RAB11FIP3: variants seen among roughly 807,000 people sequenced by gnomAD.
The protein encoded by RAB11FIP3 is rab11 family-interacting protein 3.
Under a neutral mutation model 77.8 loss-of-function variants are expected in RAB11FIP3, and 17 were observed. That is an observed-to-expected ratio of 0.22 (90% confidence interval 0.15 to 0.33). The LOEUF is 0.33. Among genes scored for constraint, RAB11FIP3 ranks in the 10% least tolerant of loss-of-function variants. The probability of loss-of-function intolerance (pLI) is 1.00; values close to 1 mark genes in which losing one functional copy is unlikely to be tolerated. For missense variants in RAB11FIP3, 1,005 were observed against 1,011.2 expected, an observed-to-expected ratio of 0.99 and a Z score of 0.08; for synonymous variants, 437 against 448.2, an observed-to-expected ratio of 0.98 and a Z score of 0.31.
At chr16:453,818 C>T (rs916797407) in intron 1 of RAB11FIP3, among the ~76,000 whole-genome samples, 2 of 151,800 alleles carry the variant, frequency 1.3e-5, no homozygotes, top group Non-Finnish European at 2.9e-5. Flanking sequence ...TGGTCTCGAA[C>T]TCCAGAGCTC....
chr16:449,431 A>G (rs1463549721), intron 1 of RAB11FIP3, among the ~76,000 whole-genome samples: 1 of 152,088 alleles, frequency 6.6e-6, no homozygotes, highest in Non-Finnish European at 1.5e-5. Flanking sequence ...CCTCCCAGGT[A>G]TGGCAGCTTA....
At chr16:460,419 G>T (rs2055585188) in intron 1 of RAB11FIP3, among the ~76,000 whole-genome samples, 1 of 152,024 alleles carries the variant, frequency 6.6e-6, no homozygotes, top group South Asian at 2.1e-4. Context: ...CAGCCCATCA[G>T]CTGAGTATTA....
chr16:427,434 C>A (rs866182750), intron 1 of RAB11FIP3, among the ~76,000 whole-genome samples: 52 of 152,328 alleles, frequency 3.4e-4, no homozygotes, highest in African/African-American at 1.2e-3. Flanking sequence ...ACAGGCACTA[C>A]GCACAGTACA....
At chr16:512,978 G>A (rs549731425) in intron 9 of RAB11FIP3, among the ~76,000 whole-genome samples, 10 of 152,142 alleles carry the variant, frequency 6.6e-5, no homozygotes, top group East Asian at 1.9e-4. Flanking sequence ...CACTGTGCCC[G>A]CCGAGGCACA....
intron 1 of RAB11FIP3, among the ~76,000 whole-genome samples, chr16:433,401 C>G (rs908219186): frequency 1.3e-5 from 2 of 151,036 alleles, no homozygotes; most frequent in African/African-American, 4.9e-5. Context: ...TCGCTCTATT[C>G]TCTACCTCCA....
chr16:470,012 T>G (rs1431747284), intron 2 of RAB11FIP3, among the ~76,000 whole-genome samples: 1 of 151,952 alleles, frequency 6.6e-6, no homozygotes, highest in Non-Finnish European at 1.5e-5. Context: ...CTTTTTTTTT[T>G]GAGATGGAGT....
intron 2 of RAB11FIP3, among the ~76,000 whole-genome samples, chr16:463,790 A>G (rs940264123): frequency 2.0e-5 from 3 of 152,096 alleles, no homozygotes; most frequent in African/African-American, 7.2e-5. Flanking sequence ...ACCCATGAAC[A>G]TGTTGTGGGA....
chr16:445,038 C>T (rs909143192), intron 1 of RAB11FIP3, among the ~76,000 whole-genome samples: 3 of 138,652 alleles, frequency 2.2e-5, no homozygotes, highest in African/African-American at 5.5e-5. Context: ...GGCGTGAACC[C>T]GGGAGGCAGA....
At chr16:479,832 C>T (rs1307994310) in intron 3 of RAB11FIP3, among the ~76,000 whole-genome samples, 5 of 151,602 alleles carry the variant, frequency 3.3e-5, no homozygotes, top group Admixed American at 3.3e-4. Flanking sequence ...GTGGGAGGAT[C>T]ACTTGAGCCC....
Position 520,500 on chromosome 16 carries a change from G to T in RAB11FIP3, c.2058G>T (p.Gly686=). The T allele has an allele frequency of 4.3e-6, 7 of 1,613,680 alleles. No individual in the cohort carries two copies. Among genetic ancestry groups the T allele is most frequent in the Non-Finnish European group, 5.9e-6 (7 of 1,180,026 alleles). Residue 686 remains glycine, a synonymous_variant, in exon 13 of 14, where the codon GGG becomes GGT. Coordinates refer to ENST00000262305, the MANE Select transcript of RAB11FIP3 (RefSeq NM_014700.4). The part of the protein sequence containing the change: ...NLKEQNEELN[G]QIITLSIQGA... ...AGGAGCAGAACGAGGAGCTGAACGGGCAGATCATTACCCTCAGCATCCAGG... is the reference window on the plus strand; with the variant it reads ...AGGAGCAGAACGAGGAGCTGAACGGTCAGATCATTACCCTCAGCATCCAGG...
At chr16:450,632 A>T (rs1435144350) in intron 1 of RAB11FIP3, among the ~76,000 whole-genome samples, 1 of 152,094 alleles carries the variant, frequency 6.6e-6, no homozygotes, top group African/African-American at 2.4e-5. Flanking sequence ...CTGGCGAATG[A>T]GGGCCCCACT....
chr16:500,288 G>A (rs2031419554), intron 6 of RAB11FIP3, among the ~76,000 whole-genome samples: 1 of 152,212 alleles, frequency 6.6e-6, no homozygotes, highest in African/African-American at 2.4e-5. Context: ...ACTGCCCTGT[G>A]GGGCAGGTCA....
In RAB11FIP3 at chr16:492,428, CGGG is replaced by C. The variant is rs2030525598; in HGVS notation, c.1265+3429_1265+3431del. On this transcript the variant is annotated intron_variant, in intron 5 of 13. Coordinates refer to ENST00000262305, the MANE Select transcript of RAB11FIP3 (RefSeq NM_014700.4). Reference sequence around the variant, plus strand: ...ACCCGAGGCCGCCCAGGGCCCTCCCCGGGAGACCCGAGGCCGCCCAGGGCCCTT... The same window carrying C: ...ACCCGAGGCCGCCCAGGGCCCTCCCCAGACCCGAGGCCGCCCAGGGCCCTT... Among the ~76,000 whole-genome samples the C allele has an allele frequency of 4.0e-5, 5 of 124,726 alleles. 1 individual carries two copies. The highest frequency in any genetic ancestry group is 6.3e-5 in the African/African-American group (2 of 31,886). 81.8% of individuals were successfully genotyped at this position (124,726 alleles called of 152,430 possible).
chr16:520,878 A>T lies in RAB11FIP3; in HGVS notation c.*39A>T. 3 of 1,546,908 alleles carry T rather than the reference A, an allele frequency of 1.9e-6. No homozygotes were observed. The highest frequency in any genetic ancestry group is 2.7e-6 in the Non-Finnish European group (3 of 1,119,978). ...CAGCCTGAGCTGGATTCGGGACTCC[A>T]ACACCCTGGAGTGGTTCCGTCAGAC... On this transcript the variant is annotated 3_prime_UTR_variant, in exon 14 of 14. Transcript: ENST00000262305.
In RAB11FIP3 at chr16:482,762, G is replaced by A. The variant is rs370122594; in HGVS notation, c.1115+26G>A. 3.2e-6 allele frequency: 5 copies of A among 1,565,974 alleles called. No individual in the cohort carries two copies. The African/African-American group carries it at 5.4e-5, about 17-fold the overall frequency. On this transcript the variant is annotated intron_variant, in intron 4 of 13. Transcript: ENST00000262305. ...GTCTGTACCCCGCCACGGGCCTCCT[G>A]GAGAGGCCTTGGGATGTGGCACCCT...
At chr16:477,491 C>G (rs1271223783) in intron 3 of RAB11FIP3, 8 of 326,234 alleles carry the variant, frequency 2.5e-5, no homozygotes, top group Non-Finnish European at 3.1e-5. Context: ...CCCCGTCATG[C>G]CTTCCCCACA....
At chr16:432,174 G>C (rs1196414243) in intron 1 of RAB11FIP3, among the ~76,000 whole-genome samples, 1 of 152,110 alleles carries the variant, frequency 6.6e-6, no homozygotes, top group Non-Finnish European at 1.5e-5. Context: ...TCTGAGATCA[G>C]GAGACCAGCC....
intron 5 of RAB11FIP3, among the ~76,000 whole-genome samples, chr16:494,530 G>A (rs1287440877): frequency 1.3e-5 from 2 of 151,970 alleles, no homozygotes; most frequent in Non-Finnish European, 2.9e-5. Context: ...GCTGAGGCCG[G>A]AGAATGGCGT....
chr16:520,881 A>T lies in RAB11FIP3; in HGVS notation c.*42A>T. On this transcript the variant is annotated 3_prime_UTR_variant, in exon 14 of 14. Transcript: ENST00000262305. ...CCTGAGCTGGATTCGGGACTCCAAC[A>T]CCCTGGAGTGGTTCCGTCAGACCAT... 2.7e-6 allele frequency: 4 copies of T among 1,495,630 alleles called. No individual in the cohort carries two copies. The highest frequency in any genetic ancestry group is 3.7e-6 in the Non-Finnish European group (4 of 1,073,344). 92.6% of individuals were successfully genotyped at this position (1,495,630 alleles called of 1,614,324 possible). A position where few individuals can be genotyped will look rare whatever the true frequency, so the allele number is the denominator to read the frequency against.
Sources: allele counts gnomAD v4.1 joint callset (sites outside exome capture counted in the v4.1 genomes callset), GRCh38; gene constraint gnomAD v4.1.1; transcripts MANE v1.5; gene names NCBI Gene and HGNC (gene_info 2026-07-23, HGNC 2026-07-21).